Variants in TCF3 observed in about 807,000 individuals in gnomAD.
TCF3 encodes transcription factor E2-alpha.
TCF3 carries 54 observed loss-of-function variants against 72.3 expected under a neutral mutation model. The ratio of observed to expected loss-of-function variants is 0.75; its 90% CI spans 0.60 to 0.94. The LOEUF (loss-of-function observed/expected upper bound fraction) is 0.94. Among genes scored for constraint, TCF3 ranks in the 40% least tolerant of loss-of-function variants. The pLI is 0.00. For synonymous variants in TCF3, 525 were observed against 412.6 expected (o/e 1.27, Z -3.30); for missense variants, 1,078 against 934.4 (o/e 1.15, Z -2.00).
Position 1,619,370 on chromosome 19 carries a change from C to G in TCF3, c.1272G>C (p.Ala424=). The change falls in exon 15 of 19, where the codon GCG becomes GCC. Residue 424 remains alanine (A), a synonymous_variant. Coordinates refer to ENST00000262965, the MANE Select transcript of TCF3 (RefSeq NM_003200.5). The part of the protein sequence containing the change: ...DMHTLLPGHG[A]LASGFTGPMS... ...TGGGGCCGGTGAAACCTGAGGCCAG[C>G]GCCCCGTGGCCAGGCAGCAGCGTGT... The G allele has an allele frequency of 6.3e-7, 1 of 1,588,306 alleles. No homozygotes were observed. Among genetic ancestry groups the G allele is most frequent in the Non-Finnish European group, 8.5e-7 (1 of 1,174,332 alleles).
intron 14 of TCF3, 85 bp from the exon 15 acceptor site, chr19:1,619,559 G>A (rs997711836): frequency 1.5e-5 from 22 of 1,484,918 alleles, no homozygotes; most frequent in Non-Finnish European, 1.8e-5. Context: ...CATGCAAGTG[G>A]CCGGTGGTCC....
At position 1,615,190 on chromosome 19, in the gene TCF3, T is replaced by G. The variant is rs2061426358; in HGVS notation, c.1822+95A>C. The G allele has an allele frequency of 7.0e-7, 1 of 1,434,154 alleles. No homozygotes were observed. The highest frequency in any genetic ancestry group is 1.4e-5 in the African/African-American group (1 of 69,992). The allele number at this position is 1,434,154 out of a possible 1,614,324, so 88.8% of individuals were successfully genotyped here. ...GAGGCAACTGCTGCAGAGGGAGGGC[T>G]GGCTCCAGGAAGGCGGGCGGGGAAG... On this transcript the variant is annotated intron_variant, in intron 18 of 18. Transcript: ENST00000262965. The surrounding 1 kb of genome is among the most constrained non-coding windows in gnomAD (Gnocchi z 7.3).
chr19:1,619,650 G>A (rs2146010921), intron 14 of TCF3, 130 bp downstream of exon 14: 1 of 1,256,412 alleles, frequency 8.0e-7, no homozygotes, highest in Non-Finnish European at 1.1e-6. Context: ...TGCCTTGGCG[G>A]CCACGAGGCC....
At chr19:1,622,754 A>AAC (rs2062403368) in intron 8 of TCF3, among the ~76,000 whole-genome samples, 1 of 152,092 alleles carries the variant, frequency 6.6e-6, no homozygotes, top group South Asian at 2.1e-4. Context: ...CCCCAGCTCC[A>AAC]ACACCCCATC....
chr19:1,619,889 G>A (rs943229614), intron 13 of TCF3, 36 bp from the exon 14 acceptor site: 5 of 1,525,478 alleles, frequency 3.3e-6, no homozygotes, highest in Admixed American at 2.0e-5. Flanking sequence ...GGGTGCGAGG[G>A]GCGGGGTGTG....
At chr19:1,642,584 G>A (rs926490718) in intron 3 of TCF3, among the ~76,000 whole-genome samples, 3 of 152,134 alleles carry the variant, frequency 2.0e-5, no homozygotes, top group East Asian at 1.9e-4. Context: ...ATCCCCTTCC[G>A]AGAAGACCAC....
rs1200999137 is a variant in TCF3 at position 1,614,183 on chromosome 19, G to A, written c.1822+1102C>T. On this transcript the variant is annotated intron_variant, in intron 18 of 18. Coordinates refer to ENST00000262965, the MANE Select transcript of TCF3 (RefSeq NM_003200.5). This position sits in a 1 kb window ranked among gnomAD's most constrained non-coding sequence, Gnocchi z 5.6. ...GCCTGGTGCCCTGTCTTAGTCTCTA[G>A]GGGGCTGCCTCACCCACTTGCCTGC... Among the ~76,000 whole-genome samples, 1 of 152,222 alleles carries A rather than the reference G, an allele frequency of 6.6e-6. No homozygotes were observed. The highest frequency in any genetic ancestry group is 1.5e-5 in the Non-Finnish European group (1 of 68,022).
chr19:1,634,562 T>C (rs1482450802), intron 3 of TCF3, among the ~76,000 whole-genome samples: 2 of 152,230 alleles, frequency 1.3e-5, no homozygotes, highest in Non-Finnish European at 2.9e-5. Context: ...CAATGAAAGA[T>C]GCTGCTTCAG....
At chr19:1,643,465 T>A (rs1454377689) in intron 3 of TCF3, among the ~76,000 whole-genome samples, 1 of 152,064 alleles carries the variant, frequency 6.6e-6, no homozygotes, top group Non-Finnish European at 1.5e-5. Context: ...AAGCGATCCT[T>A]CCGCCTTGGT....
At chr19:1,625,394 C>T (rs2062760344) in intron 7 of TCF3, among the ~76,000 whole-genome samples, 182 bp downstream of exon 7, 1 of 152,242 alleles carries the variant, frequency 6.6e-6, no homozygotes, top group South Asian at 2.1e-4. Context: ...CGCCCGCCGG[C>T]CCCTGCCTCG....
At chr19:1,617,904 C>T (rs949763788) in intron 16 of TCF3, among the ~76,000 whole-genome samples, 4 of 152,168 alleles carry the variant, frequency 2.6e-5, no homozygotes, top group African/African-American at 9.7e-5. Flanking sequence ...CAGACATCAC[C>T]CAGTGTCCCC....
rs1421697758 is a variant in TCF3 at position 1,646,388 on chromosome 19, C to A, written c.112G>T (p.Ala38Ser). Residue 38 changes from alanine (A) to serine (S), a missense_variant, in exon 3 of 19, where the codon GCC (alanine) becomes TCC (serine). Coordinates refer to ENST00000262965, the MANE Select transcript of TCF3 (RefSeq NM_003200.5). ...CCGAACTGCGCCCCGGCCAGGGAGGCGGGCCGGCCCTTCCCGTTGGTGACA... is the reference window on the plus strand; with the variant it reads ...CCGAACTGCGCCCCGGCCAGGGAGGAGGGCCGGCCCTTCCCGTTGGTGACA... ...LPVTNGKGRP[A>S]SLAGAQFGGS... The A allele has an allele frequency of 1.3e-6, 2 of 1,549,782 alleles. No individual in the cohort carries two copies. The highest frequency in any genetic ancestry group is 3.9e-5 in the Admixed American group (2 of 50,982).
chr19:1,622,219 G>A lies in TCF3; in HGVS notation c.657C>T (p.Gly219=). The stretch of plus-strand genomic sequence containing the variant: ...AGAGCTCGGCTGAGGGGTGCAGGCT[G>A]CCATCTGTGGAGGGGAGCTGGTAAG... ...TYPAPFYVAD[G]SLHPSAELWS... Residue 219 remains glycine (G), a synonymous_variant, in exon 10 of 19, where the codon GGC becomes GGT. Transcript: ENST00000262965. The A allele has an allele frequency of 6.5e-7, 1 of 1,546,774 alleles. No individual in the cohort carries two copies. Among genetic ancestry groups the A allele is most frequent in the Non-Finnish European group, 8.7e-7 (1 of 1,147,282 alleles).
intron 3 of TCF3, among the ~76,000 whole-genome samples, chr19:1,632,743 A>G (rs1166088965): frequency 6.6e-6 from 1 of 152,128 alleles, no homozygotes; most frequent in Non-Finnish European, 1.5e-5. Context: ...ATCAGCCCCA[A>G]GTCCCTCCCT....
rs752197461 is a variant in TCF3 at position 1,621,966 on chromosome 19, T to G, written c.827A>C (p.Tyr276Ser). The G allele has an allele frequency of 5.6e-6, 9 of 1,605,628 alleles. No homozygotes were observed. The South Asian group carries it at 1.0e-4, about 18-fold the overall frequency. Residue 276 changes from tyrosine to serine, a missense_variant, in exon 11 of 19, where the codon TAC becomes TCC. Coordinates refer to ENST00000262965, the MANE Select transcript of TCF3 (RefSeq NM_003200.5). ...GGLHQHERMG[Y>S]QLHGAEVNGG... is the part of the protein sequence containing the mutation. ...GTTCACCTCTGCTCCATGCAGCTGG[T>G]AGCCCTGGGGGGTCAGGCAGGAGGA...
Position 1,651,807 on chromosome 19 carries a change from C to A in TCF3, c.-40+493G>T, listed in dbSNP as rs572716972. 1.2e-3 allele frequency among the ~76,000 whole-genome samples: 182 copies of A among 151,662 alleles called. 4 individuals are homozygous for A. The South Asian group carries it at 0.018, about 15-fold the overall frequency. On this transcript the variant is annotated intron_variant, in intron 1 of 18. Coordinates refer to ENST00000262965, the MANE Select transcript of TCF3 (RefSeq NM_003200.5). ...GCAGATGTTACCCGCGCGCCCCCCC[C>A]CGGCCCGCCCGGCCCCGACCAGCGC...
At chr19:1,617,020 T>C (rs2061616409) in intron 16 of TCF3, among the ~76,000 whole-genome samples, 1 of 152,126 alleles carries the variant, frequency 6.6e-6, no homozygotes, top group East Asian at 1.9e-4. Context: ...ACCACATGGC[T>C]AGAAACACGT....
intron 3 of TCF3, among the ~76,000 whole-genome samples, chr19:1,641,858 G>C (rs2065290674): frequency 6.6e-6 from 1 of 151,964 alleles, no homozygotes; most frequent in African/African-American, 2.4e-5. Context: ...CTCCCAAAGT[G>C]CTGGGGATTA....
intron 3 of TCF3, among the ~76,000 whole-genome samples, chr19:1,642,241 G>GACGCACACACACGTGCGCACAC (rs1284677580): frequency 7.1e-6 from 1 of 141,810 alleles, no homozygotes; most frequent in Non-Finnish European, 1.6e-5. Flanking sequence ...CGCACGCGCA[G>GACGCACACACACGTGCGCACAC]ACGCACACAC....
Sources: allele counts gnomAD v4.1 joint callset (sites outside exome capture counted in the v4.1 genomes callset), GRCh38; gene constraint gnomAD v4.1.1; non-coding constraint Gnocchi (gnomAD v3.1); transcripts MANE v1.5; gene names NCBI Gene and HGNC (gene_info 2026-07-23, HGNC 2026-07-21).